The following NRDC variants were observed in gnomAD, a reference collection of about 807,000 sequenced individuals.
NRDC encodes the protein nardilysin.
A neutral mutation model predicts 147.1 loss-of-function variants in NRDC; 54 were observed. That is an observed-to-expected ratio of 0.37 (90% confidence interval 0.29 to 0.46). The LOEUF is 0.46. NRDC is among the 20% of genes least tolerant of loss of function. The probability of loss-of-function intolerance (pLI) is 1.00; values close to 1 mark genes in which losing one functional copy is unlikely to be tolerated. For missense variants in NRDC, 1,082 were observed against 1,370.6 expected (o/e 0.79, Z 3.33); for synonymous variants, 440 against 482.1 (o/e 0.91, Z 1.14).
Position 51,810,361 on chromosome 1 carries a change from T to C in NRDC, c.1823A>G (p.Asn608Ser). 6.2e-7 allele frequency: 1 copy of C among 1,612,506 alleles called. No individual in the cohort carries two copies. The highest frequency in any genetic ancestry group is 8.5e-7 in the Non-Finnish European group (1 of 1,179,036). The part of the protein sequence containing the change: ...ALNQLVPQKA[N>S]LVLLSGANEG... Reference sequence around the variant, plus strand: ...ATTAGCACCAGACAGTAAAACAAGATTTGCTTTTTGAGGAACTAGCTGATT... The same window carrying C: ...ATTAGCACCAGACAGTAAAACAAGACTTGCTTTTTGAGGAACTAGCTGATT... Residue 608 changes from asparagine (N) to serine (S), a missense_variant, in exon 16 of 31, where the codon AAT becomes AGT. Asn to Ser is a conservative substitution (Grantham distance 46). Coordinates refer to ENST00000352171, the MANE Select transcript of NRDC (RefSeq NM_001101662.2).
At chr1:51,814,663 G>C in intron 12 of NRDC, 30 bp downstream of exon 12, 2 of 1,602,522 alleles carry the variant, frequency 1.2e-6, no homozygotes, top group Non-Finnish European at 1.7e-6. Context: ...CTACGTAAAA[G>C]GAAAAAACAA....
chr1:51,846,779 C>G (rs1400172597), intron 1 of NRDC, among the ~76,000 whole-genome samples: 1 of 152,244 alleles, frequency 6.6e-6, no homozygotes, highest in East Asian at 1.9e-4. Flanking sequence ...TTATTCTTAT[C>G]TGGCCCCACC....
At chr1:51,836,546 C>T in intron 2 of NRDC, 1 of 888,896 alleles carries the variant, frequency 1.1e-6, no homozygotes, top group Non-Finnish European at 1.8e-6. Context: ...CAAGTTTTTT[C>T]CCTGAATTAC....
chr1:51,846,079 G>A (rs1239756337), intron 1 of NRDC, among the ~76,000 whole-genome samples: 1 of 151,416 alleles, frequency 6.6e-6, no homozygotes, highest in Non-Finnish European at 1.5e-5. Context: ...GGGGAAAGGA[G>A]AAAAACTAGA....
chr1:51,863,469 TACAAG>T (rs1682653564), intron 1 of NRDC, among the ~76,000 whole-genome samples: 1 of 152,190 alleles, frequency 6.6e-6, no homozygotes, highest in East Asian at 1.9e-4. Context: ...AACCTAAAAT[TACAAG>T]ACAAAACAGC....
At chr1:51,839,881 A>G (rs1219667377) in intron 2 of NRDC, 4 of 164,684 alleles carry the variant, frequency 2.4e-5, no homozygotes, top group African/African-American at 9.6e-5. Context: ...CAGGCTAAGA[A>G]TTCTGCAGCT....
intron 2 of NRDC, among the ~76,000 whole-genome samples, chr1:51,839,574 A>T (rs947854496): frequency 2.0e-5 from 3 of 152,188 alleles, no homozygotes; most frequent in African/African-American, 7.2e-5. Context: ...TTCAAAAGAT[A>T]TTAAGAAATT....
intron 4 of NRDC, 42 bp from the exon 5 acceptor site, chr1:51,827,911 T>C (rs749546707): frequency 4.8e-6 from 7 of 1,473,100 alleles, no homozygotes; most frequent in Non-Finnish European, 6.6e-6. Context: ...TTTGTTCACT[T>C]TCATCAATCA....
intron 25 of NRDC, 99 bp downstream of exon 25, chr1:51,792,278 T>C: frequency 7.2e-7 from 1 of 1,383,338 alleles, no homozygotes; most frequent in Non-Finnish European, 1.0e-6. Context: ...AAATCACAGA[T>C]CTCTGACTAC....
chr1:51,857,070 T>C (rs1027171795), intron 1 of NRDC, among the ~76,000 whole-genome samples: 1 of 152,178 alleles, frequency 6.6e-6, no homozygotes, highest in South Asian at 2.1e-4. Context: ...GAACAGTGGA[T>C]GAAAACCAAT....
At chr1:51,825,014 G>T (rs1680381474) in intron 6 of NRDC, among the ~76,000 whole-genome samples, 1 of 152,132 alleles carries the variant, frequency 6.6e-6, no homozygotes. Context: ...TTGTGATAAT[G>T]ATCAAATGAA....
intron 27 of NRDC, 71 bp from the exon 28 acceptor site, chr1:51,791,061 A>C: frequency 9.3e-7 from 1 of 1,070,698 alleles, no homozygotes; most frequent in Non-Finnish European, 1.4e-6. Context: ...ACCCGATCTC[A>C]GGCAGAAGGC....
rs150145845 is a variant in NRDC at position 51,878,413 on chromosome 1, T to C, written c.203A>G (p.Asn68Ser). 8.7e-6 allele frequency: 14 copies of C among 1,614,034 alleles called. No homozygotes were observed. The highest frequency in any genetic ancestry group is 1.7e-5 in the Admixed American group (1 of 59,998). Reference protein sequence around the residue: ...STCSCPDLQPNGQDLGENSRV... With the variant: ...STCSCPDLQPSGQDLGENSRV... Reference sequence around the variant, plus strand: ...GCTGTTCTCGCCCAGATCCTGTCCATTGGGCTGCAGGTCAGGGCAGCTGCA... The same window carrying C: ...GCTGTTCTCGCCCAGATCCTGTCCACTGGGCTGCAGGTCAGGGCAGCTGCA... Residue 68 changes from asparagine (N) to serine (S), a missense_variant, in exon 1 of 31, where the codon AAT becomes AGT. Asn to Ser is a conservative substitution (Grantham distance 46, BLOSUM62 1). Around this residue, in one of 3 missense-constraint regions of NRDC, gnomAD observed 260 missense variants for 253.2 expected, o/e 1.03. Coordinates refer to ENST00000352171, the MANE Select transcript of NRDC (RefSeq NM_001101662.2).
In NRDC at chr1:51,840,219, C is replaced by T; in HGVS notation, c.630+7G>A. 3 of 1,587,154 alleles carry T rather than the reference C, an allele frequency of 1.9e-6. No homozygotes were observed. Among genetic ancestry groups the T allele is most frequent in the Non-Finnish European group, 2.6e-6 (3 of 1,168,836 alleles). On this transcript the variant is annotated splice_region_variant and intron_variant, in intron 2 of 30. Coordinates refer to ENST00000352171, the MANE Select transcript of NRDC (RefSeq NM_001101662.2). ...CCAAATTAGAAGAAAACAGACATGA[C>T]TCGCACCTGTTTTTCAGTAGTTTTT...
chr1:51,818,915 A>G (rs1680090173), intron 9 of NRDC, among the ~76,000 whole-genome samples: 1 of 152,244 alleles, frequency 6.6e-6, no homozygotes. Flanking sequence ...TATTACAGGT[A>G]TACTATTAAA....
rs1571919955 is a variant in NRDC, at chr1:51,864,679, T to TTATA, written c.341+13595_341+13596insTATA. ...AATAAAATTAGATTTTTGCCAGGCA[T>TTATA]GGTGGCTCACACCTATAATCCCAGA... is the stretch of plus-strand genomic sequence containing the variant. On this transcript the variant is annotated intron_variant, in intron 1 of 30. Transcript: ENST00000352171. Among the ~76,000 whole-genome samples the TTATA allele has an allele frequency of 5.3e-5, 8 of 152,168 alleles. No homozygotes were observed. The East Asian group carries it at 1.4e-3, about 26-fold the overall frequency.
At chr1:51,852,609 G>GT (rs1045868865) in intron 1 of NRDC, among the ~76,000 whole-genome samples, 9 of 22,224 alleles carry the variant, frequency 4.0e-4, no homozygotes, top group Admixed American at 2.5e-3. Context: ...GTTTTTTATA[G>GT]TTTTTTATGT....
chr1:51,848,954 C>T (rs1193592276), intron 1 of NRDC, among the ~76,000 whole-genome samples: 1 of 152,146 alleles, frequency 6.6e-6, no homozygotes, highest in Non-Finnish European at 1.5e-5. Context: ...AAACAGCCAA[C>T]ATTAGGAAAA....
intron 29 of NRDC, among the ~76,000 whole-genome samples, chr1:51,790,021 A>G (rs1678517139): frequency 6.6e-6 from 1 of 152,218 alleles, no homozygotes; most frequent in South Asian, 2.1e-4. Context: ...AAAATGTGTT[A>G]AGATGAAGCC....
Sources: allele counts gnomAD v4.1 joint callset (sites outside exome capture counted in the v4.1 genomes callset), GRCh38; gene constraint gnomAD v4.1.1; regional missense constraint gnomAD v4.1.1; transcripts MANE v1.5; gene names NCBI Gene and HGNC (gene_info 2026-07-23, HGNC 2026-07-21).